Variants in KSR1 observed in about 807,000 individuals in gnomAD.
KSR1 encodes kinase suppressor of ras.
KSR1 carries 35 observed loss-of-function variants against 92.9 expected under a neutral mutation model. The observed-to-expected ratio is 0.38, with a 90% CI of 0.29 to 0.50. The LOEUF (loss-of-function observed/expected upper bound fraction) is 0.50, where lower values mean the gene tolerates loss of function less well. Among genes scored for constraint, KSR1 ranks in the 20% least tolerant of loss-of-function variants. The pLI is 0.94. For missense variants in KSR1, 972 were observed against 1,158.5 expected (o/e 0.84, Z 2.34); for synonymous variants, 467 against 472.6 (o/e 0.99, Z 0.15).
At position 27,624,378 on chromosome 17, in the gene KSR1, T is replaced by A. The variant is rs914378807; in HGVS notation, c.*986T>A. The stretch of plus-strand genomic sequence containing the variant: ...GAAGGTTCTAGAACTGCCCACCTCT[T>A]CCATTTCAGTCCTGCTGAAACCCCT... On this transcript the variant is annotated 3_prime_UTR_variant, in exon 21 of 21. Transcript: ENST00000644974. The A allele has an allele frequency of 2.0e-5, 3 of 152,292 alleles. No homozygotes were observed. Among genetic ancestry groups the A allele is most frequent in the African/African-American group, 7.2e-5 (3 of 41,454 alleles). The allele number at this position is 152,292 out of a possible 1,614,324, so 9.4% of individuals were successfully genotyped here.
intron 1 of KSR1, among the ~76,000 whole-genome samples, chr17:27,502,450 A>G (rs1002278767): frequency 4.6e-5 from 7 of 152,172 alleles, no homozygotes; most frequent in African/African-American, 1.7e-4. Context: ...TTAATGTCTT[A>G]AAATATGACA....
intron 1 of KSR1, among the ~76,000 whole-genome samples, chr17:27,535,911 A>C (rs2070735642): frequency 6.6e-6 from 1 of 152,228 alleles, no homozygotes; most frequent in South Asian, 2.1e-4. Flanking sequence ...ACCCCTAGTG[A>C]CATGACTGTC....
In KSR1 at chr17:27,577,834, T is replaced by C. The variant is rs1187634784; in HGVS notation, c.520+195T>C. The C allele has an allele frequency of 1.4e-6, 1 of 698,294 alleles. No homozygotes were observed. The highest frequency in any genetic ancestry group is 2.0e-5 in the Admixed American group (1 of 49,236). The allele number at this position is 698,294 out of a possible 1,614,324, so 43.3% of individuals were successfully genotyped here. A position where few individuals can be genotyped will look rare whatever the true frequency, so the allele number is the denominator to read the frequency against. ...TCAGGGCTCTGGATCCTGGTGGGTCTGGCCAGGCCGAATCTGAGGGGTTTC... is the reference window on the plus strand; with the variant it reads ...TCAGGGCTCTGGATCCTGGTGGGTCCGGCCAGGCCGAATCTGAGGGGTTTC... On this transcript the variant is annotated intron_variant, in intron 3 of 20. Coordinates refer to ENST00000644974, the MANE Select transcript of KSR1 (RefSeq NM_001394583.1). This position sits in a 1 kb window ranked among gnomAD's most constrained non-coding sequence, Gnocchi z 4.5.
At chr17:27,538,472 A>C (rs1255960219) in intron 1 of KSR1, among the ~76,000 whole-genome samples, 4 of 152,268 alleles carry the variant, frequency 2.6e-5, no homozygotes, top group Non-Finnish European at 5.9e-5. Context: ...CTCATGCCTC[A>C]TTAGCCAAAA....
intron 1 of KSR1, among the ~76,000 whole-genome samples, chr17:27,484,738 A>G (rs1597858892): frequency 6.6e-6 from 1 of 152,154 alleles, no homozygotes; most frequent in East Asian, 1.9e-4. Context: ...CCTTGGGGCT[A>G]GGGGTCAGGA....
At chr17:27,489,964 A>G (rs2068773062) in intron 1 of KSR1, among the ~76,000 whole-genome samples, 1 of 152,234 alleles carries the variant, frequency 6.6e-6, no homozygotes, top group Non-Finnish European at 1.5e-5. Flanking sequence ...AATTGGTTCA[A>G]AGAGGCCAAC....
intron 1 of KSR1, among the ~76,000 whole-genome samples, chr17:27,528,747 TA>T (rs913642998): frequency 4.5e-4 from 69 of 151,854 alleles, no homozygotes; most frequent in African/African-American, 1.5e-3. Context: ...AAAATTAAAA[TA>T]AAAAAAGTTA....
chr17:27,624,079 T>G lies in KSR1; in HGVS notation c.*687T>G, dbSNP rs1365219272. 1 of 155,288 alleles carries G rather than the reference T, an allele frequency of 6.4e-6. No homozygotes were observed. Among genetic ancestry groups the G allele is most frequent in the Non-Finnish European group, 1.4e-5 (1 of 70,308 alleles). The allele number at this position is 155,288 out of a possible 1,614,324, so 9.6% of individuals were successfully genotyped here. A position where few individuals can be genotyped will look rare whatever the true frequency, so the allele number is the denominator to read the frequency against. ...AACAGAATCCAAAAAAGGTCTGGACTCACCCGGTGGTTCCCAGCCAGGGTT... is the reference window on the plus strand; with the variant it reads ...AACAGAATCCAAAAAAGGTCTGGACGCACCCGGTGGTTCCCAGCCAGGGTT... On this transcript the variant is annotated 3_prime_UTR_variant, in exon 21 of 21. Transcript: ENST00000644974.
chr17:27,488,435 A>G (rs1276764215), intron 1 of KSR1, among the ~76,000 whole-genome samples: 1 of 151,756 alleles, frequency 6.6e-6, no homozygotes, highest in East Asian at 1.9e-4. Flanking sequence ...TTTTTAAGCA[A>G]TTTCCTCTTG....
At chr17:27,549,329 A>G (rs1260195773) in intron 1 of KSR1, among the ~76,000 whole-genome samples, 1 of 152,222 alleles carries the variant, frequency 6.6e-6, no homozygotes, top group African/African-American at 2.4e-5. Context: ...ACTTGGCCGT[A>G]GCCAAGCCAG....
At chr17:27,527,387 A>C (rs981031344) in intron 1 of KSR1, among the ~76,000 whole-genome samples, 888 of 13,060 alleles carry the variant, frequency 0.068, no homozygotes, top group Middle Eastern at 0.25. Flanking sequence ...GCAGTGGCAC[A>C]CCCGCCCCCC....
intron 1 of KSR1, among the ~76,000 whole-genome samples, chr17:27,524,527 G>A (rs1335625919): frequency 6.6e-6 from 1 of 152,200 alleles, no homozygotes; most frequent in Non-Finnish European, 1.5e-5. Context: ...AAGGAGGGAG[G>A]TATTGATGGG....
At chr17:27,581,492 C>T (rs960033415) in intron 3 of KSR1, among the ~76,000 whole-genome samples, 12 of 152,056 alleles carry the variant, frequency 7.9e-5, no homozygotes, top group African/African-American at 2.4e-4. Context: ...GCCGTATGCC[C>T]TTACCTTCCC....
chr17:27,472,262 A>T (rs1322051928), intron 1 of KSR1, among the ~76,000 whole-genome samples: 1 of 152,142 alleles, frequency 6.6e-6, no homozygotes, highest in Non-Finnish European at 1.5e-5. Flanking sequence ...TTCCCGTAGG[A>T]TGGGGCAAAG....
chr17:27,579,963 C>T (rs2072683182), intron 3 of KSR1: 1 of 139,178 alleles, frequency 7.2e-6, no homozygotes, highest in Admixed American at 7.4e-5. Context: ...AACATTCCTG[C>T]TGATCCTCCC....
intron 2 of KSR1, among the ~76,000 whole-genome samples, chr17:27,567,968 C>G (rs1476477787): frequency 6.6e-6 from 1 of 152,204 alleles, no homozygotes; most frequent in African/African-American, 2.4e-5. Flanking sequence ...CTTGAAGATC[C>G]ATTGGCCCCT....
chr17:27,509,569 G>A (rs936963088), intron 1 of KSR1, among the ~76,000 whole-genome samples: 5 of 152,024 alleles, frequency 3.3e-5, no homozygotes, highest in Middle Eastern at 3.4e-3. Flanking sequence ...GATTACAGGC[G>A]TGAGCCACCA....
At chr17:27,494,178 A>G (rs2068909274) in intron 1 of KSR1, among the ~76,000 whole-genome samples, 1 of 152,172 alleles carries the variant, frequency 6.6e-6, no homozygotes, top group Non-Finnish European at 1.5e-5. Flanking sequence ...AAGAGCTTCC[A>G]GGAACAAAAA....
intron 1 of KSR1, among the ~76,000 whole-genome samples, chr17:27,502,501 G>A (rs1341098847): frequency 6.6e-6 from 1 of 152,078 alleles, no homozygotes; most frequent in Non-Finnish European, 1.5e-5. Context: ...ATTTAAAATC[G>A]ACTCCATCCT....
Sources: allele counts gnomAD v4.1 joint callset (sites outside exome capture counted in the v4.1 genomes callset), GRCh38; gene constraint gnomAD v4.1.1; non-coding constraint Gnocchi (gnomAD v3.1); transcripts MANE v1.5; gene names NCBI Gene and HGNC (gene_info 2026-07-23, HGNC 2026-07-21).